Variants in DTWD2 observed in about 807,000 individuals in gnomAD.
The protein encoded by DTWD2 is DTW motif tRNA-uridine aminocarboxypropyltransferase 2.
Under a neutral mutation model 31.8 loss-of-function variants are expected in DTWD2, and 39 were observed. That is an observed-to-expected ratio of 1.22 (90% CI 0.95 to 1.60). DTWD2 has a LOEUF of 1.60. DTWD2 is among the 40% of genes most tolerant of loss of function. The pLI is 0.00. For missense variants in DTWD2, 515 were observed against 381.5 expected (o/e 1.35, Z -2.92); for synonymous variants, 180 against 142.8 (o/e 1.26, Z -1.86).
intron 4 of DTWD2, among the ~76,000 whole-genome samples, chr5:118,908,798 C>T (rs1412350937): frequency 2.6e-5 from 4 of 152,110 alleles, no homozygotes; most frequent in Non-Finnish European, 5.9e-5. Context: ...ACTCAAATCA[C>T]TTAAGCTAAA....
intron 5 of DTWD2, among the ~76,000 whole-genome samples, chr5:118,846,364 A>G (rs1424075218): frequency 2.0e-5 from 3 of 152,168 alleles, no homozygotes; most frequent in African/African-American, 7.2e-5. Flanking sequence ...TACTAACATT[A>G]AAGGTTATAT....
At chr5:118,877,896 A>G (rs545750701) in intron 4 of DTWD2, among the ~76,000 whole-genome samples, 2 of 152,294 alleles carry the variant, frequency 1.3e-5, no homozygotes, top group South Asian at 4.2e-4. Flanking sequence ...CTATACACCA[A>G]CAACAGTTAA....
chr5:118,890,337 C>G (rs115592754), intron 4 of DTWD2, among the ~76,000 whole-genome samples: 3,180 of 152,210 alleles, frequency 0.021, 46 homozygotes, highest in Middle Eastern at 0.037. Context: ...CAGTAATTCA[C>G]ATTTTATACA....
chr5:118,985,517 T>TATATATATATATATATATACAC (rs1554072595), intron 1 of DTWD2, among the ~76,000 whole-genome samples: 4 of 107,728 alleles, frequency 3.7e-5, no homozygotes, highest in Non-Finnish European at 6.1e-5. Flanking sequence ...TATATATATA[T>TATATATATATATATATATACAC]ACACACACAT....
At chr5:118,855,346 G>C (rs1415943968) in intron 4 of DTWD2, among the ~76,000 whole-genome samples, 1 of 150,702 alleles carries the variant, frequency 6.6e-6, no homozygotes, top group Admixed American at 6.6e-5. Context: ...GTGTCTTGCA[G>C]GCAAGGGATA....
chr5:118,840,982 G>T lies in DTWD2; in HGVS notation c.832C>A (p.Pro278Thr). 2.5e-6 allele frequency: 4 copies of T among 1,613,748 alleles called. No homozygotes were observed. Among genetic ancestry groups the T allele is most frequent in the Non-Finnish European group, 3.4e-6 (4 of 1,179,810 alleles). The stretch of plus-strand genomic sequence containing the variant: ...AGTTTGCGTTTGTTCTTTGGCATTG[G>T]TTTAGGATATAATCCATTTTTCAGA... ...HLLKNGLYPK[P>T]MPKNKRKLRK... Residue 278 changes from proline (P) to threonine (T), a missense_variant, in exon 6 of 6, where the codon CCA becomes ACA. By Grantham distance (38) the Pro-to-Thr change is conservative. Transcript: ENST00000510708.
chr5:118,882,573 A>C (rs78080927), intron 4 of DTWD2, among the ~76,000 whole-genome samples: 3 of 152,372 alleles, frequency 2.0e-5, no homozygotes, highest in East Asian at 3.9e-4. Context: ...TTCTGCCTGT[A>C]CATCCAGTCG....
chr5:118,915,668 C>T (rs1288895346), intron 4 of DTWD2, among the ~76,000 whole-genome samples: 1 of 152,178 alleles, frequency 6.6e-6, no homozygotes, highest in Non-Finnish European at 1.5e-5. Flanking sequence ...GCCACTACGC[C>T]CGGCCTAATC....
chr5:118,974,244 C>T (rs1271726404), intron 1 of DTWD2: 16 of 903,760 alleles, frequency 1.8e-5, no homozygotes, highest in South Asian at 7.5e-5. Context: ...GCCCGCCCAC[C>T]GTGGACAGTG....
intron 4 of DTWD2, among the ~76,000 whole-genome samples, chr5:118,883,106 T>G (rs1580784939): frequency 1.3e-5 from 2 of 152,326 alleles, no homozygotes; most frequent in East Asian, 3.9e-4. Context: ...GCTTAGAAAT[T>G]TGTTCTGCCA....
intron 2 of DTWD2, among the ~76,000 whole-genome samples, chr5:118,943,829 T>C (rs1455223974): frequency 1.3e-5 from 2 of 152,220 alleles, no homozygotes; most frequent in African/African-American, 4.8e-5. Flanking sequence ...TGATCCAGAC[T>C]TGAGAAATTT....
intron 1 of DTWD2, among the ~76,000 whole-genome samples, chr5:118,968,799 G>T (rs1417180491): frequency 6.6e-6 from 1 of 152,182 alleles, no homozygotes. Context: ...CTAGGAAGGG[G>T]GCTGAATCCA....
intron 2 of DTWD2, among the ~76,000 whole-genome samples, chr5:118,943,139 G>A (rs773173721): frequency 4.6e-5 from 7 of 152,074 alleles, no homozygotes; most frequent in South Asian, 2.1e-4. Flanking sequence ...TGCTGTGGCC[G>A]GCAAGCTATC....
chr5:118,847,212 T>C (rs762943444), intron 5 of DTWD2, among the ~76,000 whole-genome samples: 3 of 152,106 alleles, frequency 2.0e-5, no homozygotes, highest in Non-Finnish European at 4.4e-5. Context: ...TACTCATAAC[T>C]GTAACCATAA....
chr5:118,879,712 C>G (rs962252518), intron 4 of DTWD2, among the ~76,000 whole-genome samples: 1 of 150,894 alleles, frequency 6.6e-6, no homozygotes, highest in African/African-American at 2.4e-5. Flanking sequence ...ATTAGAAAAT[C>G]AAATACCACA....
intron 1 of DTWD2, among the ~76,000 whole-genome samples, chr5:118,978,393 A>G (rs1755214744): frequency 6.6e-6 from 1 of 152,252 alleles, no homozygotes; most frequent in African/African-American, 2.4e-5. Flanking sequence ...TAATTAAACT[A>G]AAGATCTCTG....
In DTWD2 at chr5:118,988,526, T is replaced by C; in HGVS notation, c.-15A>G. 1.3e-6 allele frequency: 2 copies of C among 1,527,692 alleles called. No homozygotes were observed. Among genetic ancestry groups the C allele is most frequent in the Non-Finnish European group, 1.8e-6 (2 of 1,140,674 alleles). 94.6% of individuals were successfully genotyped at this position (1,527,692 alleles called of 1,614,324 possible). A position where few individuals can be genotyped will look rare whatever the true frequency, so the allele number is the denominator to read the frequency against. On this transcript the variant is annotated 5_prime_UTR_variant, in exon 1 of 6. Transcript: ENST00000510708. ...TGCGACTCCATGGCGGACACTCCGGTCAGGCCGTGGCATTGAAGCCCGGCT... is the reference window on the plus strand; with the variant it reads ...TGCGACTCCATGGCGGACACTCCGGCCAGGCCGTGGCATTGAAGCCCGGCT...
At chr5:118,888,294 T>G (rs1340147933) in intron 4 of DTWD2, among the ~76,000 whole-genome samples, 1 of 152,212 alleles carries the variant, frequency 6.6e-6, no homozygotes, top group African/African-American at 2.4e-5. Context: ...GCAATGGATC[T>G]GCTTCCTGAC....
intron 4 of DTWD2, among the ~76,000 whole-genome samples, chr5:118,927,175 G>A (rs1208383117): frequency 6.7e-6 from 1 of 150,362 alleles, no homozygotes; most frequent in Non-Finnish European, 1.5e-5. Context: ...TGAGGGCTCT[G>A]CCTTCATAAT....
Sources: allele counts gnomAD v4.1 joint callset (sites outside exome capture counted in the v4.1 genomes callset), GRCh38; gene constraint gnomAD v4.1.1; transcripts MANE v1.5; gene names NCBI Gene and HGNC (gene_info 2026-07-23, HGNC 2026-07-21).